The following RGS20 variants were observed in gnomAD, a reference collection of about 807,000 sequenced individuals.
RGS20 encodes the protein regulator of G protein signaling 20.
In RGS20, 30 loss-of-function variants were observed where a neutral mutation model predicts 33.6. The observed-to-expected ratio is 0.89, with a 90% CI of 0.67 to 1.21. The LOEUF (loss-of-function observed/expected upper bound fraction) is 1.21, where lower values mean the gene tolerates loss of function less well. RGS20 is among the 50% of genes most tolerant of loss of function. The pLI is 0.00. For synonymous variants in RGS20, 208 were observed against 197.9 expected, an observed-to-expected ratio of 1.05 and a Z score of -0.43; for missense variants, 472 against 502.4, an observed-to-expected ratio of 0.94 and a Z score of 0.58.
At chr8:53,894,099 C>T (rs1293260801) in intron 2 of RGS20, among the ~76,000 whole-genome samples, 3 of 152,122 alleles carry the variant, frequency 2.0e-5, no homozygotes, top group African/African-American at 7.2e-5. Flanking sequence ...TTAATTGAAA[C>T]AGGTCCCCTA....
chr8:53,947,066 TTA>T (rs1252836248), intron 4 of RGS20, among the ~76,000 whole-genome samples: 3 of 147,520 alleles, frequency 2.0e-5, no homozygotes, highest in Non-Finnish European at 3.0e-5. Flanking sequence ...TCATATAATT[TTA>T]TATAAGATAT....
At chr8:53,931,894 T>G (rs187447698) in intron 2 of RGS20, among the ~76,000 whole-genome samples, 55 of 152,228 alleles carry the variant, frequency 3.6e-4, no homozygotes, top group South Asian at 1.2e-3. Flanking sequence ...TTTCCCACAG[T>G]CTTTGCAACC....
chr8:53,948,285 TTA>T (rs1390182970), intron 4 of RGS20, among the ~76,000 whole-genome samples: 2 of 140,026 alleles, frequency 1.4e-5, no homozygotes, highest in African/African-American at 5.1e-5. Flanking sequence ...GTATATATAT[TTA>T]TATATACGAT....
chr8:53,855,576 C>A (rs533010439), intron 1 of RGS20, among the ~76,000 whole-genome samples: 2 of 152,260 alleles, frequency 1.3e-5, no homozygotes, highest in East Asian at 1.9e-4. Context: ...AAACTATACA[C>A]GTGCACACAC....
At chr8:53,919,297 A>C (rs1414211302) in intron 2 of RGS20, among the ~76,000 whole-genome samples, 1 of 151,460 alleles carries the variant, frequency 6.6e-6, no homozygotes, top group African/African-American at 2.4e-5. Context: ...TCTCTTACCT[A>C]ATATGTGACT....
chr8:53,884,191 C>CTTTTTTTTTT lies in RGS20; in HGVS notation c.510+4602_510+4611dup, dbSNP rs4014055. Among the ~76,000 whole-genome samples, 41 of 103,460 alleles carry CTTTTTTTTTT rather than the reference C, an allele frequency of 4.0e-4. 1 individual carries two copies. The highest frequency in any genetic ancestry group is 1.3e-3 in the African/African-American group (29 of 22,100). 67.9% of individuals were successfully genotyped at this position (103,460 alleles called of 152,430 possible). On this transcript the variant is annotated intron_variant, in intron 2 of 5. Coordinates refer to ENST00000297313, the MANE Select transcript of RGS20 (RefSeq NM_170587.4). ...CCATCATCCAAATTAGAAAAACAGT[C>CTTTTTTTTTT]TTTTTTTTTTTTTTTTTTTTTTGAT...
chr8:53,925,565 G>A (rs1344033129), intron 2 of RGS20, among the ~76,000 whole-genome samples: 2 of 151,896 alleles, frequency 1.3e-5, no homozygotes, highest in Non-Finnish European at 2.9e-5. Flanking sequence ...ATCACCTCAG[G>A]TCAGGAGTAA....
chr8:53,864,665 C>T (rs1236185609), intron 1 of RGS20, among the ~76,000 whole-genome samples: 1 of 152,010 alleles, frequency 6.6e-6, no homozygotes, highest in East Asian at 1.9e-4. Flanking sequence ...ATTGATTGGC[C>T]AGTTGATTAG....
intron 2 of RGS20, among the ~76,000 whole-genome samples, chr8:53,923,400 GC>G (rs1813705002): frequency 6.6e-6 from 1 of 152,114 alleles, no homozygotes; most frequent in Admixed American, 6.5e-5. Context: ...TTTGAGACCA[GC>G]CTGGGCAACA....
At chr8:53,907,912 G>A (rs1186921405) in intron 2 of RGS20, among the ~76,000 whole-genome samples, 1 of 152,164 alleles carries the variant, frequency 6.6e-6, no homozygotes, top group African/African-American at 2.4e-5. Context: ...AGAGGTAGGA[G>A]GTACGGTCAC....
At chr8:53,896,718 A>G (rs1231130702) in intron 2 of RGS20, among the ~76,000 whole-genome samples, 2 of 152,346 alleles carry the variant, frequency 1.3e-5, no homozygotes, top group East Asian at 3.9e-4. Context: ...TCCTTTGGGT[A>G]TGCACTATTT....
intron 4 of RGS20, among the ~76,000 whole-genome samples, chr8:53,953,288 AG>A (rs1184500348): frequency 1.3e-5 from 2 of 152,220 alleles, no homozygotes; most frequent in Admixed American, 1.3e-4. Flanking sequence ...TGGGAGGCCA[AG>A]GTGGGCAGAT....
At chr8:53,856,489 GA>G (rs1362431609) in intron 1 of RGS20, among the ~76,000 whole-genome samples, 2 of 152,252 alleles carry the variant, frequency 1.3e-5, no homozygotes, top group East Asian at 3.9e-4. Context: ...AAAGTGCTGA[GA>G]TTACAGGCGT....
At chr8:53,899,560 G>A (rs534721422) in intron 2 of RGS20, among the ~76,000 whole-genome samples, 7 of 152,242 alleles carry the variant, frequency 4.6e-5, no homozygotes, top group South Asian at 4.1e-4. Context: ...CCCCTTAGCC[G>A]TCAACCACCA....
chr8:53,952,835 A>G (rs959864839), intron 4 of RGS20, among the ~76,000 whole-genome samples: 1 of 152,242 alleles, frequency 6.6e-6, no homozygotes, highest in Admixed American at 6.5e-5. Flanking sequence ...ATCATTATTA[A>G]GCTATGTTTT....
chr8:53,922,948 A>C (rs1447446544), intron 2 of RGS20, among the ~76,000 whole-genome samples: 1 of 152,098 alleles, frequency 6.6e-6, no homozygotes, highest in African/African-American at 2.4e-5. Context: ...GGCATGAGAA[A>C]ATGTGCCTGG....
At chr8:53,949,318 ATATT>A (rs1212155884) in intron 4 of RGS20, among the ~76,000 whole-genome samples, 7 of 147,992 alleles carry the variant, frequency 4.7e-5, no homozygotes, top group Non-Finnish European at 3.0e-5. Flanking sequence ...TACAGTATAT[ATATT>A]TATTGGTCAT....
At chr8:53,858,626 C>A (rs867456023) in intron 1 of RGS20, among the ~76,000 whole-genome samples, 1 of 151,696 alleles carries the variant, frequency 6.6e-6, no homozygotes, top group Non-Finnish European at 1.5e-5. Flanking sequence ...TGCAAAGAGC[C>A]AGAGGTGGCA....
intron 2 of RGS20, among the ~76,000 whole-genome samples, chr8:53,882,470 C>T (rs1302173084): frequency 2.0e-5 from 3 of 152,104 alleles, no homozygotes; most frequent in Non-Finnish European, 4.4e-5. Context: ...GCAGCTGCTG[C>T]CCACGGGCCA....
Sources: allele counts gnomAD v4.1 joint callset (sites outside exome capture counted in the v4.1 genomes callset), GRCh38; gene constraint gnomAD v4.1.1; transcripts MANE v1.5; gene names NCBI Gene and HGNC (gene_info 2026-07-23, HGNC 2026-07-21).